The following CDK5RAP2 variants were observed in gnomAD, a reference collection of about 807,000 sequenced individuals.
CDK5RAP2 encodes CDK5 regulatory subunit associated protein 2, also known as CDK5 regulatory subunit-associated protein 2.
CDK5RAP2 carries 147 observed loss-of-function variants against 232.9 expected under a neutral mutation model. That is an observed-to-expected ratio of 0.63 (90% confidence interval 0.55 to 0.72). CDK5RAP2 has a LOEUF of 0.72. Ranked by LOEUF, CDK5RAP2 falls within the 30% of genes least tolerant of loss-of-function variation. The pLI is 0.00. For synonymous variants in CDK5RAP2, 833 were observed against 833.7 expected (o/e 1.00, Z 0.01); for missense variants, 2,195 against 2,231.5 (o/e 0.98, Z 0.33).
chr9:120,565,760 C>T (rs2042625166), intron 3 of CDK5RAP2, among the ~76,000 whole-genome samples: 1 of 152,324 alleles, frequency 6.6e-6, no homozygotes, highest in Non-Finnish European at 1.5e-5. Flanking sequence ...GGCAACATCT[C>T]CTCCAGAGGC....
intron 5 of CDK5RAP2, among the ~76,000 whole-genome samples, chr9:120,544,814 T>C (rs2041774105): frequency 6.6e-6 from 1 of 152,182 alleles, no homozygotes; most frequent in African/African-American, 2.4e-5. Flanking sequence ...CTTCCTGGCA[T>C]GTTATTTTTC....
intron 4 of CDK5RAP2, 70 bp downstream of exon 4, chr9:120,550,722 A>G: frequency 1.1e-6 from 1 of 896,452 alleles, no homozygotes; most frequent in South Asian, 1.3e-5. Flanking sequence ...AACAAATATT[A>G]ATCAAATTTC....
intron 22 of CDK5RAP2, among the ~76,000 whole-genome samples, chr9:120,446,495 G>A (rs2036199433): frequency 6.6e-6 from 1 of 152,084 alleles, no homozygotes; most frequent in African/African-American, 2.4e-5. Context: ...CAAAGTGCTG[G>A]GATTACATGT....
intron 3 of CDK5RAP2, among the ~76,000 whole-genome samples, chr9:120,555,126 A>T (rs2042177444): frequency 7.5e-6 from 1 of 134,202 alleles, no homozygotes; most frequent in African/African-American, 2.8e-5. Flanking sequence ...TAGAATGGCT[A>T]AATTTTTTTG....
chr9:120,546,912 C>T (rs1379797531), intron 4 of CDK5RAP2, among the ~76,000 whole-genome samples: 1 of 152,278 alleles, frequency 6.6e-6, no homozygotes, highest in East Asian at 1.9e-4. Flanking sequence ...ACTGGGCTTA[C>T]AGCTCCTCTT....
intron 21 of CDK5RAP2, among the ~76,000 whole-genome samples, chr9:120,448,504 T>G (rs1269593803): frequency 6.6e-6 from 1 of 152,190 alleles, no homozygotes; most frequent in African/African-American, 2.4e-5. Flanking sequence ...TATCAACCCC[T>G]GCTAGTCCCC....
At position 120,403,526 on chromosome 9, in the gene CDK5RAP2, G is replaced by T. The variant is rs190093062; in HGVS notation, c.5042-455C>A. ...GCATTTGAACTGGATTGAGCAAGTA[G>T]CAAGAATTACACGAATGATGAGTCA... On this transcript the variant is annotated intron_variant, in intron 33 of 37. Coordinates refer to ENST00000349780, the MANE Select transcript of CDK5RAP2 (RefSeq NM_018249.6). This position sits in a 1 kb window ranked among gnomAD's most constrained non-coding sequence, Gnocchi z 4.2. 2.6e-4 allele frequency: 71 copies of T among 278,286 alleles called. No homozygotes were observed. Among genetic ancestry groups the T allele is most frequent in the African/African-American group, 1.5e-3 (67 of 45,736 alleles). The allele number at this position is 278,286 out of a possible 1,614,324, so 17.2% of individuals were successfully genotyped here. A position where few individuals can be genotyped will look rare whatever the true frequency, so the allele number is the denominator to read the frequency against.
intron 23 of CDK5RAP2, among the ~76,000 whole-genome samples, chr9:120,440,959 T>C (rs966457518): frequency 2.0e-5 from 3 of 152,232 alleles, no homozygotes; most frequent in African/African-American, 7.2e-5. Context: ...AATATTTCCT[T>C]ATAGCTAGTA....
chr9:120,568,343 C>G lies in CDK5RAP2; in HGVS notation c.173G>C (p.Arg58Pro), dbSNP rs1318013964. 1.6e-5 allele frequency: 26 copies of G among 1,613,652 alleles called. No individual in the cohort carries two copies. Among genetic ancestry groups the G allele is most frequent in the Non-Finnish European group, 2.2e-5 (26 of 1,179,586 alleles). The change falls in exon 3 of 38, where the codon CGG (arginine) becomes CCG (proline). Residue 58 changes from arginine to proline, a missense_variant. Physicochemically the swap from Arg to Pro is moderately radical, Grantham distance 103. Transcript: ENST00000349780. The stretch of plus-strand genomic sequence containing the variant: ...TACATTTTCAAAGTCCTTCATGTTC[C>G]GTGCTCTGGTGGGAGACACTGTTTC... ...SEETVSPTRA[R>P]NMKDFENQIT... is the part of the protein sequence containing the mutation.
intron 22 of CDK5RAP2, 106 bp downstream of exon 22, chr9:120,447,789 T>C: frequency 1.2e-6 from 1 of 869,226 alleles, no homozygotes; most frequent in East Asian, 2.4e-5. Flanking sequence ...TTCATGAAAT[T>C]TATACTCAAA....
At chr9:120,501,558 G>T (rs1457826615) in intron 12 of CDK5RAP2, among the ~76,000 whole-genome samples, 1 of 152,198 alleles carries the variant, frequency 6.6e-6, no homozygotes, top group African/African-American at 2.4e-5. Context: ...TAAATTATTT[G>T]ACTTCCCTTC....
At chr9:120,443,541 T>C in intron 23 of CDK5RAP2, 79 bp downstream of exon 23, 1 of 1,480,950 alleles carries the variant, frequency 6.8e-7, no homozygotes, top group Non-Finnish European at 9.4e-7. Context: ...ATGGGCTTAG[T>C]AATAATTTTT....
At chr9:120,464,690 GC>G (rs1260518156) in intron 18 of CDK5RAP2, among the ~76,000 whole-genome samples, 1 of 152,050 alleles carries the variant, frequency 6.6e-6, no homozygotes, top group African/African-American at 2.4e-5. Context: ...CAGAAGCACT[GC>G]CCTATGGTGT....
rs1463572676 is a variant in CDK5RAP2, at chr9:120,453,509, C to T, written c.2740G>A (p.Gly914Arg). The T allele has an allele frequency of 5.0e-6, 8 of 1,613,832 alleles. No individual in the cohort carries two copies. The highest frequency in any genetic ancestry group is 3.3e-5 in the South Asian group (3 of 91,086). Residue 914 changes from glycine to arginine, a missense_variant, in exon 21 of 38, where the codon GGG (glycine) becomes AGG (arginine). Physicochemically the swap from Gly to Arg is moderately radical, Grantham distance 125. Transcript: ENST00000349780. ...AGGGCAGCCTGCCACCCAGGCACCC[C>T]GTGCAGGTTCTCTGGCCGATGCTCT... Reference protein sequence around the residue: ...SAEHRPENLHGVPGWQAALLS... With the variant: ...SAEHRPENLHRVPGWQAALLS...
At chr9:120,429,929 C>G (rs2035175209) in intron 25 of CDK5RAP2, among the ~76,000 whole-genome samples, 1 of 152,172 alleles carries the variant, frequency 6.6e-6, no homozygotes, top group Non-Finnish European at 1.5e-5. Flanking sequence ...TCAATGGGAA[C>G]AGAACAGAGC....
chr9:120,528,618 G>A (rs1164951050), intron 9 of CDK5RAP2, 126 bp downstream of exon 9: 1 of 719,548 alleles, frequency 1.4e-6, no homozygotes, highest in Non-Finnish European at 2.6e-6. Flanking sequence ...ATGCTTGACT[G>A]GCATACAGTA....
At chr9:120,502,912 C>A (rs1474039290) in intron 12 of CDK5RAP2, among the ~76,000 whole-genome samples, 1 of 152,122 alleles carries the variant, frequency 6.6e-6, no homozygotes, top group Non-Finnish European at 1.5e-5. Flanking sequence ...AAACACAGGC[C>A]AAGGCATTTT....
intron 36 of CDK5RAP2, among the ~76,000 whole-genome samples, chr9:120,390,575 C>T (rs938201147): frequency 2.0e-5 from 3 of 152,228 alleles, no homozygotes; most frequent in African/African-American, 7.2e-5. Context: ...TTCCTTCAGG[C>T]TTTTTCTTGT....
intron 12 of CDK5RAP2, chr9:120,517,885 C>A (rs1250356053): frequency 2.8e-6 from 1 of 356,988 alleles, no homozygotes; most frequent in Non-Finnish European, 5.6e-6. Flanking sequence ...CAGAGTGAGA[C>A]CCTGTCTCAA....
Sources: allele counts gnomAD v4.1 joint callset (sites outside exome capture counted in the v4.1 genomes callset), GRCh38; gene constraint gnomAD v4.1.1; non-coding constraint Gnocchi (gnomAD v3.1); transcripts MANE v1.5; gene names NCBI Gene and HGNC (gene_info 2026-07-23, HGNC 2026-07-21).